DDX20: variants seen among roughly 807,000 people sequenced by gnomAD.
The protein encoded by DDX20 is DEAD-box helicase 20, also known as probable ATP-dependent RNA helicase DDX20.
In DDX20, 61 loss-of-function variants were observed where a neutral mutation model predicts 76.4. The ratio of observed to expected loss-of-function variants is 0.80; its 90% CI spans 0.65 to 0.99. DDX20 has a LOEUF of 0.99. DDX20 is among the 50% of genes least tolerant of loss of function. The probability of loss-of-function intolerance (pLI) is 0.00; values close to 1 mark genes in which losing one functional copy is unlikely to be tolerated. For synonymous variants in DDX20, 357 were observed against 357.4 expected (o/e 1.00, Z 0.01); for missense variants, 976 against 996.8 (o/e 0.98, Z 0.28).
In DDX20 at chr1:111,762,496, T is replaced by C. The variant is rs961980281; in HGVS notation, c.1104+159T>C. ...TGAGGAAAATACTTTCTTAAAAATG[T>C]CTTTAATATGTTTATCTTTGTCCTT... On this transcript the variant is annotated intron_variant, in intron 8 of 10. Transcript: ENST00000369702. The C allele has an allele frequency of 7.2e-6, 6 of 830,652 alleles. No homozygotes were observed. In the African/African-American group the frequency reaches 1.0e-4, roughly 14 times the overall value. The allele number at this position is 830,652 out of a possible 1,614,324, so 51.5% of individuals were successfully genotyped here.
At position 111,760,454 on chromosome 1, in the gene DDX20, A is replaced by AT; in HGVS notation, c.566-20_566-19insT. On this transcript the variant is annotated intron_variant, in intron 3 of 10. Transcript: ENST00000369702. ...AAATTTGGTACATCATAAATATTTC[A>AT]ATTTTTTTTTTTTAATTAGGCAGAA... The AT allele has an allele frequency of 4.1e-6, 6 of 1,454,776 alleles. No homozygotes were observed. Among genetic ancestry groups the AT allele is most frequent in the Admixed American group, 2.1e-5 (1 of 47,230 alleles). The allele number at this position is 1,454,776 out of a possible 1,614,324, so 90.1% of individuals were successfully genotyped here. A position where few individuals can be genotyped will look rare whatever the true frequency, so the allele number is the denominator to read the frequency against.
chr1:111,764,539 ATGGTCT>A (rs1432994174), intron 10 of DDX20, among the ~76,000 whole-genome samples: 1 of 152,144 alleles, frequency 6.6e-6, no homozygotes, highest in African/African-American at 2.4e-5. Flanking sequence ...TTTAGAGTAA[ATGGTCT>A]TTAGGCTCTA....
chr1:111,756,790 A>G, intron 2 of DDX20, 50 bp downstream of exon 2: 1 of 1,435,846 alleles, frequency 7.0e-7, no homozygotes, highest in East Asian at 2.3e-5. Context: ...GGACTTTACC[A>G]CAGGTCAGAT....
At position 111,759,556 on chromosome 1, in the gene DDX20, G is replaced by C. The variant is rs1410747384; in HGVS notation, c.553G>C (p.Val185Leu). Residue 185 changes from valine (V) to leucine (L), a missense_variant, in exon 3 of 11, where the codon GTT (valine) becomes CTT (leucine). Physicochemically the swap from Val to Leu is conservative, Grantham distance 32. This residue lies in a region of DDX20 where 343 missense variants were observed against 286.4 expected (regional missense o/e 1.20). Transcript: ENST00000369702. ...CAGACTTAAAAAGTGTCATATTGCT[G>C]TTGGATCTCCTGGTAAGATAACAAT... is the stretch of plus-strand genomic sequence containing the variant. ...KTRLKKCHIA[V>L]GSPGRIKQLI... 1.2e-6 allele frequency: 2 copies of C among 1,612,738 alleles called. No homozygotes were observed. The highest frequency in any genetic ancestry group is 1.7e-6 in the Non-Finnish European group (2 of 1,179,618).
rs1239476275 is a variant in DDX20 at position 111,767,517 on chromosome 1, C to G, written c.*618C>G. On this transcript the variant is annotated 3_prime_UTR_variant, in exon 11 of 11. Coordinates refer to ENST00000369702, the MANE Select transcript of DDX20 (RefSeq NM_007204.5). ...TGTTTGTTGTTTATCTTTTGAATGT[C>G]TTTTGAGGCTGTGAAAGCTGTCCAC... 6.6e-6 allele frequency: 1 copy of G among 152,130 alleles called. No individual in the cohort carries two copies. Among genetic ancestry groups the G allele is most frequent in the African/African-American group, 2.4e-5 (1 of 41,408 alleles). The allele number at this position is 152,130 out of a possible 1,614,324, so 9.4% of individuals were successfully genotyped here.
At chr1:111,762,400 A>G in intron 8 of DDX20, 63 bp downstream of exon 8, 5 of 1,307,166 alleles carry the variant, frequency 3.8e-6, no homozygotes, top group Non-Finnish European at 5.5e-6. Context: ...TATCAGATGT[A>G]CAGATTTCAT....
chr1:111,767,859 C>A lies in DDX20; in HGVS notation c.*960C>A, dbSNP rs1257890781. 1.3e-5 allele frequency: 2 copies of A among 152,298 alleles called. No homozygotes were observed. The highest frequency in any genetic ancestry group is 4.8e-5 in the African/African-American group (2 of 41,568). The allele number at this position is 152,298 out of a possible 1,614,324, so 9.4% of individuals were successfully genotyped here. ...GAAGCTGGAATTGATTCTCTTCAGA[C>A]ACTTCTTAGTACATCCTAATTTTGT... On this transcript the variant is annotated 3_prime_UTR_variant, in exon 11 of 11. Transcript: ENST00000369702.
rs766956007 is a variant in DDX20, at chr1:111,761,082, A to G, written c.919A>G (p.Ile307Val). The G allele has an allele frequency of 1.9e-6, 3 of 1,613,946 alleles. No homozygotes were observed. Among genetic ancestry groups the G allele is most frequent in the Non-Finnish European group, 2.5e-6 (3 of 1,179,898 alleles). The change falls in exon 6 of 11, where the codon ATT (isoleucine) becomes GTT (valine). Residue 307 changes from isoleucine (I) to valine (V), a missense_variant. Physicochemically the swap from Ile to Val is conservative, Grantham distance 29. Transcript: ENST00000369702. ...GCATTTACAGGAACTGTTCAGCAGA[A>G]TTCCATTTAATCAAGCTTTAGTCTT... Reference protein sequence around the residue: ...TQHLQELFSRIPFNQALVFSN... With the variant: ...TQHLQELFSRVPFNQALVFSN...
intron 7 of DDX20, 73 bp downstream of exon 7, chr1:111,761,357 A>G: frequency 8.0e-7 from 1 of 1,251,784 alleles, no homozygotes; most frequent in Non-Finnish European, 1.1e-6. Flanking sequence ...AGGAAAAAAT[A>G]CCACTTTATG....
At chr1:111,763,080 C>A in intron 10 of DDX20, 73 bp downstream of exon 10, 2 of 1,203,248 alleles carry the variant, frequency 1.7e-6, no homozygotes, top group Non-Finnish European at 1.2e-6. Flanking sequence ...ATAATAATAG[C>A]TAACAGAGTG....
Position 111,766,095 on chromosome 1 carries a change from C to CCGTTGAAA in DDX20, c.1671_1672insCGTTGAAA (p.Thr558ArgfsTer2), listed in dbSNP as rs1663772682. On this transcript the variant is annotated stop_gained and frameshift_variant, in exon 11 of 11. Coordinates refer to ENST00000369702, the MANE Select transcript of DDX20 (RefSeq NM_007204.5). LOFTEE classifies it high-confidence loss of function. ...CTGTTCAGACTCCCGTTGAAAACTC[C>CCGTTGAAA]ACCAACAGTCAGCACCAGGTCAAAG... 6.2e-7 allele frequency: 1 copy of CCGTTGAAA among 1,614,056 alleles called. No homozygotes were observed. Among genetic ancestry groups the CCGTTGAAA allele is most frequent in the Non-Finnish European group, 8.5e-7 (1 of 1,180,036 alleles).
At chr1:111,756,574 T>TAC in intron 1 of DDX20, 72 bp from the exon 2 acceptor site, 1 of 1,322,232 alleles carries the variant, frequency 7.6e-7, no homozygotes, top group East Asian at 2.3e-5. Flanking sequence ...CTTCTAGTTC[T>TAC]CTGATTCCAT....
In DDX20 at chr1:111,761,004, A is replaced by C; in HGVS notation, c.841A>C (p.Lys281Gln). The C allele has an allele frequency of 6.2e-7, 1 of 1,613,628 alleles. No individual in the cohort carries two copies. Among genetic ancestry groups the C allele is most frequent in the Non-Finnish European group, 8.5e-7 (1 of 1,179,830 alleles). ...PSLIGLKQYY[K>Q]VVNSYPLAHK... ...CTTTGTAGGTTTGAAGCAGTATTAC[A>C]AAGTTGTCAATTCATACCCTTTGGC... The change falls in exon 6 of 11, where the codon AAA becomes CAA. Residue 281 changes from lysine to glutamine, a missense_variant. Lys to Gln is a moderately conservative substitution (Grantham distance 53). This residue lies in a region of DDX20 where 630 missense variants were observed against 693.7 expected (regional missense o/e 0.91). Transcript: ENST00000369702.
chr1:111,759,432 T>C lies in DDX20; in HGVS notation c.429T>C (p.Ala143=), dbSNP rs1663626042. 3.1e-6 allele frequency: 5 copies of C among 1,610,212 alleles called. No homozygotes were observed. The highest frequency in any genetic ancestry group is 2.7e-5 in the African/African-American group (2 of 74,684). ...TCTTGGCTCCTACAAGAGAAATTGC[T>C]GTACAGATACATTCTGTTATTACAG... ...ILILAPTREI[A]VQIHSVITAI... is the part of the protein sequence containing the mutation. Residue 143 remains alanine (A), a synonymous_variant, in exon 3 of 11, where the codon GCT becomes GCC. Transcript: ENST00000369702.
Position 111,760,506 on chromosome 1 carries a change from T to G in DDX20, c.598T>G (p.Leu200Val). 2 of 1,609,070 alleles carry G rather than the reference T, an allele frequency of 1.2e-6. No homozygotes were observed. Among genetic ancestry groups the G allele is most frequent in the East Asian group, 2.2e-5 (1 of 44,832 alleles). Residue 200 changes from leucine (L) to valine (V), a missense_variant, in exon 4 of 11, where the codon TTG (leucine) becomes GTG (valine). Coordinates refer to ENST00000369702, the MANE Select transcript of DDX20 (RefSeq NM_007204.5). ...RIKQLIELDYLNPGSIRLFIL... is the reference protein window; with the variant it reads ...RIKQLIELDYVNPGSIRLFIL... The stretch of plus-strand genomic sequence containing the variant: ...TAAGCAACTCATAGAACTTGACTAC[T>G]TGAACCCAGGCAGTATACGCCTCTT...
rs765708842 is a variant in DDX20, at chr1:111,766,836, T to G, written c.2412T>G (p.Ser804Arg). The G allele has an allele frequency of 1.9e-6, 3 of 1,614,070 alleles. No individual in the cohort carries two copies. In the East Asian group the frequency reaches 6.7e-5, roughly 36 times the overall value. ...ATTGGAATGCTCAGAGACATCCAAG[T>G]TGGATGGCAGCTTATCACATGAATA... ...SYYWNAQRHP[S>R]WMAAYHMNTI... The change falls in exon 11 of 11, where the codon AGT (serine) becomes AGG (arginine). Residue 804 changes from serine to arginine, a missense_variant. Around this residue, in one of 3 missense-constraint regions of DDX20, gnomAD observed 630 missense variants for 693.7 expected, o/e 0.91. Transcript: ENST00000369702.
rs752201060 is a variant in DDX20 at position 111,762,672 on chromosome 1, T to A, written c.1105-5T>A. The A allele has an allele frequency of 1.2e-6, 2 of 1,611,104 alleles. No homozygotes were observed. The highest frequency in any genetic ancestry group is 2.7e-5 in the African/African-American group (2 of 74,790). ...ACAAATAATTGCTATCTTCTTCAAT[T>A]CAAGACTTCTCGTGGGATTGATGCT... On this transcript the variant is annotated splice_polypyrimidine_tract_variant and splice_region_variant and intron_variant, in intron 8 of 10. Coordinates refer to ENST00000369702, the MANE Select transcript of DDX20 (RefSeq NM_007204.5).
intron 8 of DDX20, 78 bp downstream of exon 8, chr1:111,762,415 T>A: frequency 8.4e-7 from 1 of 1,189,812 alleles, no homozygotes; most frequent in South Asian, 1.3e-5. Context: ...TTTCATATAT[T>A]ATTTTATGTA....
chr1:111,756,532 G>T, intron 1 of DDX20, 114 bp from the exon 2 acceptor site: 1 of 845,974 alleles, frequency 1.2e-6, no homozygotes, highest in Non-Finnish European at 1.9e-6. Flanking sequence ...AACTAAAAAT[G>T]AAGGTGCCAA....
Sources: allele counts gnomAD v4.1 joint callset (sites outside exome capture counted in the v4.1 genomes callset), GRCh38; gene constraint gnomAD v4.1.1; regional missense constraint gnomAD v4.1.1; transcripts MANE v1.5; gene names NCBI Gene and HGNC (gene_info 2026-07-23, HGNC 2026-07-21).